KLHL29: variants seen among roughly 807,000 people sequenced by gnomAD.
KLHL29 encodes kelch like family member 29.
A neutral mutation model predicts 80.4 loss-of-function variants in KLHL29; 21 were observed. The observed-to-expected ratio is 0.26, with a 90% CI of 0.19 to 0.38. The LOEUF (loss-of-function observed/expected upper bound fraction) is 0.38, where lower values mean the gene tolerates loss of function less well. KLHL29 is among the 10% of genes least tolerant of loss of function. The pLI is 1.00. For synonymous variants in KLHL29, 511 were observed against 526.8 expected (o/e 0.97, Z 0.41); for missense variants, 867 against 1,223.9 (o/e 0.71, Z 4.35).
chr2:23,706,717 C>T lies in KLHL29; in HGVS notation c.*53C>T. ...GTGGACAAGTCTGGTGAGGCAAGTGCCACGCAATGATAATTTTCCAGCGAC... is the reference window on the plus strand; with the variant it reads ...GTGGACAAGTCTGGTGAGGCAAGTGTCACGCAATGATAATTTTCCAGCGAC... On this transcript the variant is annotated 3_prime_UTR_variant, in exon 14 of 14. Coordinates refer to ENST00000486442, the MANE Select transcript of KLHL29 (RefSeq NM_052920.2). 7.6e-7 allele frequency: 1 copy of T among 1,321,144 alleles called. No homozygotes were observed. Among genetic ancestry groups the T allele is most frequent in the South Asian group, 1.7e-5 (1 of 60,002 alleles). 81.8% of individuals were successfully genotyped at this position (1,321,144 alleles called of 1,614,324 possible).
chr2:23,535,875 G>A (rs1666646529), intron 2 of KLHL29, among the ~76,000 whole-genome samples: 2 of 152,214 alleles, frequency 1.3e-5, no homozygotes, highest in African/African-American at 2.4e-5. Context: ...TGCCATTGAA[G>A]TGTACACATA....
At chr2:23,594,608 C>T (rs1359517402) in intron 3 of KLHL29, among the ~76,000 whole-genome samples, 1 of 152,170 alleles carries the variant, frequency 6.6e-6, no homozygotes, top group Non-Finnish European at 1.5e-5. Context: ...CTCCTGGTCT[C>T]CATGAGGAAT....
At chr2:23,400,903 A>G (rs1014082928) in intron 1 of KLHL29, among the ~76,000 whole-genome samples, 16 of 152,322 alleles carry the variant, frequency 1.1e-4, no homozygotes, top group Middle Eastern at 3.4e-3. Context: ...CTAGCTGGCT[A>G]CCTGGACATG....
At chr2:23,556,397 G>C (rs1425087985) in intron 2 of KLHL29, among the ~76,000 whole-genome samples, 1 of 152,094 alleles carries the variant, frequency 6.6e-6, no homozygotes, top group Non-Finnish European at 1.5e-5. Flanking sequence ...CCAGCACTTT[G>C]AGAGGCCAAA....
At position 23,706,793 on chromosome 2, in the gene KLHL29, TG is replaced by T. The variant is rs1422747752; in HGVS notation, c.*130del. On this transcript the variant is annotated 3_prime_UTR_variant, in exon 14 of 14. Transcript: ENST00000486442. ...ATCAAGGAACTCACTGCGCTCAACA[TG>T]TTGAATATTCTCTACATTGAATGTA... 9 of 624,826 alleles carry T rather than the reference TG, an allele frequency of 1.4e-5. No homozygotes were observed. The East Asian group carries it at 2.4e-4, about 17-fold the overall frequency. The allele number at this position is 624,826 out of a possible 1,614,324, so 38.7% of individuals were successfully genotyped here.
intron 2 of KLHL29, among the ~76,000 whole-genome samples, chr2:23,518,091 A>G (rs1665994221): frequency 6.6e-6 from 1 of 152,168 alleles, no homozygotes; most frequent in Admixed American, 6.5e-5. Context: ...AGAAGTAATA[A>G]TTAGAGTAAC....
In KLHL29 at chr2:23,579,875, G is replaced by A. The variant is rs529271793; in HGVS notation, c.285+17394G>A. On this transcript the variant is annotated intron_variant, in intron 3 of 13. Coordinates refer to ENST00000486442, the MANE Select transcript of KLHL29 (RefSeq NM_052920.2). ...CAGCTGCATGCCCCAACCCTGATGC[G>A]GGTGAGTTCAGCTGGAGCATGTGTG... 1.5e-3 allele frequency among the ~76,000 whole-genome samples: 227 copies of A among 152,256 alleles called. 1 individual carries two copies. Among genetic ancestry groups the A allele is most frequent in the African/African-American group, 5.1e-3 (212 of 41,540 alleles).
At chr2:23,476,294 T>C (rs748646922) in intron 2 of KLHL29, among the ~76,000 whole-genome samples, 75 of 152,096 alleles carry the variant, frequency 4.9e-4, no homozygotes, top group Admixed American at 6.6e-4. Flanking sequence ...AATTAAGTTT[T>C]ATAATTAAGT....
intron 2 of KLHL29, among the ~76,000 whole-genome samples, chr2:23,489,652 G>A (rs66903185): frequency 0.29 from 44,522 of 151,696 alleles, 7,475 homozygotes; most frequent in Admixed American, 0.44. Flanking sequence ...ACTCTGGGAT[G>A]GGGGCATGGT....
At chr2:23,703,423 C>T (rs1316393864) in intron 12 of KLHL29, 44 bp downstream of exon 12, 1 of 1,403,998 alleles carries the variant, frequency 7.1e-7, no homozygotes, top group East Asian at 2.6e-5. Context: ...GGGTCGCATC[C>T]CTGCCTTGCT....
chr2:23,590,342 C>T (rs534755017), intron 3 of KLHL29, among the ~76,000 whole-genome samples: 3 of 152,222 alleles, frequency 2.0e-5, no homozygotes, highest in Admixed American at 1.3e-4. Flanking sequence ...GGCCCTCGGT[C>T]GGGCAGGTCC....
intron 1 of KLHL29, among the ~76,000 whole-genome samples, chr2:23,402,248 A>G (rs898584082): frequency 6.6e-6 from 1 of 152,108 alleles, no homozygotes; most frequent in Non-Finnish European, 1.5e-5. Context: ...AACCCTGTGG[A>G]TTTTCACCCT....
intron 2 of KLHL29, among the ~76,000 whole-genome samples, chr2:23,532,994 TCA>T (rs1433954379): frequency 6.6e-6 from 1 of 152,100 alleles, no homozygotes; most frequent in Non-Finnish European, 1.5e-5. Context: ...TCTCTGCAAC[TCA>T]CAGGCCCCCA....
intron 1 of KLHL29, among the ~76,000 whole-genome samples, chr2:23,453,480 A>G (rs6544860): frequency 0.11 from 16,702 of 152,250 alleles, 1,835 homozygotes; most frequent in East Asian, 0.29. Flanking sequence ...TTCCTGCCAC[A>G]TGGGAATTCT....
Position 23,660,748 on chromosome 2 carries a change from G to A in KLHL29, c.940+17898G>A, listed in dbSNP as rs115800423. 7.2e-3 allele frequency among the ~76,000 whole-genome samples: 1,097 copies of A among 152,322 alleles called. 15 individuals are homozygous for A. Among genetic ancestry groups the A allele is most frequent in the African/African-American group, 0.025 (1,044 of 41,570 alleles). Reference sequence around the variant, plus strand: ...TCAGTAAGAAGGCAAGAAGCTGGCCGGGCACAGTGGCTCACACCTGTAATC... The same window carrying A: ...TCAGTAAGAAGGCAAGAAGCTGGCCAGGCACAGTGGCTCACACCTGTAATC... On this transcript the variant is annotated intron_variant, in intron 5 of 13. Coordinates refer to ENST00000486442, the MANE Select transcript of KLHL29 (RefSeq NM_052920.2).
intron 3 of KLHL29, among the ~76,000 whole-genome samples, chr2:23,566,377 C>T (rs1667590096): frequency 6.6e-6 from 1 of 152,260 alleles, no homozygotes; most frequent in African/African-American, 2.4e-5. Context: ...AAAATGTGGC[C>T]TGCCAAGGTC....
At chr2:23,623,360 G>C (rs543810320) in intron 3 of KLHL29, among the ~76,000 whole-genome samples, 1 of 152,210 alleles carries the variant, frequency 6.6e-6, no homozygotes, top group Non-Finnish European at 1.5e-5. Flanking sequence ...ACAGTCCGCT[G>C]TCTGGGGAAC....
chr2:23,694,294 A>G (rs547539508), intron 8 of KLHL29, among the ~76,000 whole-genome samples: 2 of 152,188 alleles, frequency 1.3e-5, no homozygotes, highest in African/African-American at 2.4e-5. Flanking sequence ...CTTCTCCCAT[A>G]GCCATTTCGC....
At chr2:23,426,504 G>A (rs554153750) in intron 1 of KLHL29, among the ~76,000 whole-genome samples, 2 of 152,276 alleles carry the variant, frequency 1.3e-5, no homozygotes, top group East Asian at 1.9e-4. Context: ...CTCCCAGTGC[G>A]CACCTGGTCC....
Sources: allele counts gnomAD v4.1 joint callset (sites outside exome capture counted in the v4.1 genomes callset), GRCh38; gene constraint gnomAD v4.1.1; transcripts MANE v1.5; gene names NCBI Gene and HGNC (gene_info 2026-07-23, HGNC 2026-07-21).